The following CSMD1 variants were observed in gnomAD, a reference collection of about 807,000 sequenced individuals.
CSMD1 encodes the protein CUB and sushi domain-containing protein 1.
CSMD1 carries 213 observed loss-of-function variants against 417.5 expected under a neutral mutation model. The ratio of observed to expected loss-of-function variants is 0.51; its 90% CI spans 0.46 to 0.57. CSMD1 has a LOEUF of 0.57. CSMD1 is among the 20% of genes least tolerant of loss of function. The pLI, the probability that CSMD1 is intolerant of heterozygous loss-of-function variation, is 0.00. For missense variants in CSMD1, 6,923 were observed against 4,529.7 expected (o/e 1.53, Z -15.17); for synonymous variants, 2,862 against 1,736.8 (o/e 1.65, Z -16.11).
At chr8:3,409,255 G>T (rs1056339559) in intron 13 of CSMD1, among the ~76,000 whole-genome samples, 168 bp downstream of exon 13, 2 of 152,210 alleles carry the variant, frequency 1.3e-5, no homozygotes, top group Non-Finnish European at 2.9e-5. Flanking sequence ...GAAGAAAGCA[G>T]GCAAGTTGGT....
At chr8:4,841,318 A>C (rs577140880) in intron 1 of CSMD1, among the ~76,000 whole-genome samples, 8 of 152,348 alleles carry the variant, frequency 5.3e-5, no homozygotes, top group Admixed American at 6.5e-5. Flanking sequence ...AAACAATCAT[A>C]GACTTATGCT....
intron 1 of CSMD1, among the ~76,000 whole-genome samples, chr8:4,853,972 C>T (rs752858635): frequency 3.0e-4 from 46 of 151,826 alleles, no homozygotes; most frequent in South Asian, 8.3e-4. Context: ...CATTTTTTTT[C>T]CTTTGGTATG....
intron 23 of CSMD1, among the ~76,000 whole-genome samples, chr8:3,309,040 T>A (rs1805116132): frequency 6.6e-6 from 1 of 152,094 alleles, no homozygotes. Flanking sequence ...GCTCTTGTTT[T>A]CCGGAGTTCC....
rs115341606 is a variant in CSMD1, at chr8:4,111,233, C to G, written c.416-79134G>C. Among the ~76,000 whole-genome samples, 336 of 152,178 alleles carry G rather than the reference C, an allele frequency of 2.2e-3. 3 individuals are homozygous for G. Among genetic ancestry groups the G allele is most frequent in the African/African-American group, 7.7e-3 (321 of 41,522 alleles). ...TTGTCATCATCTTTTGGTTCCACGT[C>G]TTTGCTTTCTATTATCATCAGTCAG... is the stretch of plus-strand genomic sequence containing the variant. On this transcript the variant is annotated intron_variant, in intron 3 of 69. Transcript: ENST00000635120.
rs1316002254 is a variant in CSMD1 at position 4,860,410 on chromosome 8, TA to T, written c.85+133921del. 7.1e-3 allele frequency among the ~76,000 whole-genome samples: 989 copies of T among 138,382 alleles called. 12 individuals are homozygous for T. Among genetic ancestry groups the T allele is most frequent in the Admixed American group, 0.034 (468 of 13,864 alleles). 90.8% of individuals were successfully genotyped at this position (138,382 alleles called of 152,430 possible). ...CATGTACCCAAAAACTTAAAGTATATAAAAAAAAAAAAAGTGTGTGCCACTC... is the reference window on the plus strand; with the variant it reads ...CATGTACCCAAAAACTTAAAGTATATAAAAAAAAAAAAGTGTGTGCCACTC... On this transcript the variant is annotated intron_variant, in intron 1 of 69. Coordinates refer to ENST00000635120, the MANE Select transcript of CSMD1 (RefSeq NM_033225.6).
intron 2 of CSMD1, among the ~76,000 whole-genome samples, chr8:4,495,470 G>C (rs13439111): frequency 0.044 from 6,743 of 152,166 alleles, 177 homozygotes; most frequent in Non-Finnish European, 0.052. Flanking sequence ...ACCTACTCGG[G>C]AGGCTGAAGT....
intron 5 of CSMD1, among the ~76,000 whole-genome samples, chr8:3,773,032 C>T (rs999277809): frequency 6.6e-6 from 1 of 152,110 alleles, no homozygotes; most frequent in Non-Finnish European, 1.5e-5. Context: ...CCTGTACCTT[C>T]CCATGACAGA....
chr8:3,380,516 A>T (rs1810565964), intron 18 of CSMD1, among the ~76,000 whole-genome samples: 2 of 152,210 alleles, frequency 1.3e-5, no homozygotes, highest in Non-Finnish European at 2.9e-5. Context: ...TAGGCTGGAT[A>T]AAGACAATGT....
At chr8:3,227,874 T>G (rs527987905) in intron 27 of CSMD1, among the ~76,000 whole-genome samples, 1 of 152,106 alleles carries the variant, frequency 6.6e-6, no homozygotes, top group East Asian at 1.9e-4. Flanking sequence ...TTCAAGTGAT[T>G]CTCGTGCCTC....
intron 1 of CSMD1, among the ~76,000 whole-genome samples, chr8:4,979,326 A>G (rs772271476): frequency 2.0e-5 from 3 of 152,152 alleles, no homozygotes; most frequent in Non-Finnish European, 2.9e-5. Flanking sequence ...TCCTTATGAT[A>G]TTGAGCACAG....
At chr8:3,843,214 A>AT (rs916894902) in intron 5 of CSMD1, among the ~76,000 whole-genome samples, 29 of 152,124 alleles carry the variant, frequency 1.9e-4, no homozygotes, top group East Asian at 7.7e-4. Flanking sequence ...TTGCTTTCCC[A>AT]TTTTTTTGTA....
intron 5 of CSMD1, among the ~76,000 whole-genome samples, chr8:3,767,614 T>C (rs765584904): frequency 2.6e-5 from 4 of 152,088 alleles, no homozygotes; most frequent in East Asian, 1.9e-4. Context: ...CTATGTTTTA[T>C]ATCCACTTGC....
At chr8:4,302,425 C>G (rs1400481907) in intron 3 of CSMD1, among the ~76,000 whole-genome samples, 2 of 152,088 alleles carry the variant, frequency 1.3e-5, no homozygotes, top group African/African-American at 2.4e-5. Flanking sequence ...TACTTTCATC[C>G]CATAGTGAAG....
intron 1 of CSMD1, among the ~76,000 whole-genome samples, chr8:4,862,731 C>T (rs995825405): frequency 6.6e-6 from 1 of 151,904 alleles, no homozygotes. Context: ...ACGTCTGGGC[C>T]GGAAATAAAA....
intron 3 of CSMD1, among the ~76,000 whole-genome samples, chr8:4,116,284 G>A (rs559031539): frequency 7.2e-5 from 11 of 152,108 alleles, no homozygotes; most frequent in East Asian, 5.8e-4. Flanking sequence ...GTGAGCCACC[G>A]CACCCAACAT....
chr8:4,012,826 G>A (rs981439539), intron 4 of CSMD1, among the ~76,000 whole-genome samples: 24 of 152,070 alleles, frequency 1.6e-4, no homozygotes, highest in Admixed American at 1.6e-3. Flanking sequence ...CATTCTTCCA[G>A]TGTTGCACGA....
intron 8 of CSMD1, among the ~76,000 whole-genome samples, chr8:3,587,251 G>A (rs1800644594): frequency 1.3e-5 from 2 of 152,228 alleles, no homozygotes; most frequent in South Asian, 2.1e-4. Context: ...ATTCAAAAGT[G>A]TGAGAGGCAG....
At chr8:3,809,366 T>A (rs1563102153) in intron 5 of CSMD1, among the ~76,000 whole-genome samples, 1 of 152,232 alleles carries the variant, frequency 6.6e-6, no homozygotes, top group Non-Finnish European at 1.5e-5. Context: ...TTTATCACTG[T>A]TCTACTCACT....
chr8:3,852,941 T>C (rs1191240408), intron 5 of CSMD1, among the ~76,000 whole-genome samples: 4 of 152,172 alleles, frequency 2.6e-5, no homozygotes, highest in African/African-American at 7.2e-5. Context: ...TCACTAAATA[T>C]TGCTCCATTT....
Sources: gnomAD v4.1 joint callset for allele counts (sites outside exome capture counted in the v4.1 genomes callset) on GRCh38, gnomAD v4.1.1 for gene constraint, MANE v1.5 for transcripts, NCBI Gene and HGNC (gene_info 2026-07-23, HGNC 2026-07-21) for gene names.